PIK3C2A: variants seen among roughly 807,000 people sequenced by gnomAD.
The protein encoded by PIK3C2A is phosphatidylinositol-4-phosphate 3-kinase catalytic subunit type 2 alpha.
A neutral mutation model predicts 204.5 loss-of-function variants in PIK3C2A; 97 were observed. The observed-to-expected ratio is 0.47, with a 90% CI of 0.40 to 0.56. The LOEUF is 0.56. Among genes scored for constraint, PIK3C2A ranks in the 20% least tolerant of loss-of-function variants. PIK3C2A has a pLI of 0.00. For synonymous variants in PIK3C2A, 653 were observed against 664.4 expected (o/e 0.98, Z 0.26); for missense variants, 1,735 against 1,969.2 (o/e 0.88, Z 2.25).
intron 12 of PIK3C2A, among the ~76,000 whole-genome samples, chr11:17,130,806 C>CA (rs1224352745): frequency 0.011 from 573 of 54,060 alleles, 1 homozygote; most frequent in Middle Eastern, 0.08. Context: ...GACTCCATCT[C>CA]AAAAAAAAAA....
At chr11:17,160,313 A>C (rs1850733224) in intron 2 of PIK3C2A, among the ~76,000 whole-genome samples, 1 of 152,212 alleles carries the variant, frequency 6.6e-6, no homozygotes. Flanking sequence ...TAAAGGCTAG[A>C]CAAAGAAAAA....
intron 8 of PIK3C2A, among the ~76,000 whole-genome samples, chr11:17,142,444 G>A (rs1850095531): frequency 6.6e-6 from 1 of 152,056 alleles, no homozygotes; most frequent in African/African-American, 2.4e-5. Context: ...AGCAGAAGGT[G>A]GTATCCCAGA....
chr11:17,095,240 A>G (rs1016953529), intron 27 of PIK3C2A, among the ~76,000 whole-genome samples: 1 of 151,624 alleles, frequency 6.6e-6, no homozygotes, highest in Non-Finnish European at 1.5e-5. Flanking sequence ...CACTCCAGCC[A>G]GGGTAATAGA....
chr11:17,096,332 C>T (rs1414146992), intron 27 of PIK3C2A, among the ~76,000 whole-genome samples: 3 of 152,146 alleles, frequency 2.0e-5, no homozygotes, highest in Non-Finnish European at 2.9e-5. Flanking sequence ...GCCACTGCGC[C>T]CGGCCTATTT....
In PIK3C2A at chr11:17,132,035, A is replaced by G. The variant is rs1481469164; in HGVS notation, c.2112T>C (p.Tyr704=). Residue 704 remains tyrosine (Y), a synonymous_variant, in exon 12 of 33, where the codon TAT becomes TAC. Transcript: ENST00000691414. ...HGISSNWVSN[Y]EKYYLICSLS... ...GTGAACATATCAAGTAGTATTTTTC[A>G]TAACTGAGAAAAGAAAGTTTAACTT... 6.7e-7 allele frequency: 1 copy of G among 1,501,026 alleles called. No individual in the cohort carries two copies. Among genetic ancestry groups the G allele is most frequent in the South Asian group, 1.2e-5 (1 of 82,608 alleles). The allele number at this position is 1,501,026 out of a possible 1,614,324, so 93.0% of individuals were successfully genotyped here.
chr11:17,141,295 A>C (rs1396335639), intron 8 of PIK3C2A: 2 of 70,712 alleles, frequency 2.8e-5, no homozygotes, highest in African/African-American at 1.0e-4. Flanking sequence ...TTTTTTTTTT[A>C]AGACAGGTCT....
rs771737932 is a variant in PIK3C2A, at chr11:17,148,828, T to C, written c.1328-41A>G. On this transcript the variant is annotated intron_variant, in intron 4 of 32. Coordinates refer to ENST00000691414, the MANE Select transcript of PIK3C2A (RefSeq NM_002645.4). ...TCATTATTTTCACTTTGCTCATTTA[T>C]ATTTATTCAAGACTGTATTACTTAT... 15 of 1,546,234 alleles carry C rather than the reference T, an allele frequency of 9.7e-6. No individual in the cohort carries two copies. The African/African-American group carries it at 1.9e-4, about 20-fold the overall frequency.
chr11:17,105,982 AC>A (rs1319184437), intron 22 of PIK3C2A, among the ~76,000 whole-genome samples: 16 of 151,786 alleles, frequency 1.1e-4, no homozygotes, highest in Admixed American at 4.0e-4. Flanking sequence ...GGTGGTAGGC[AC>A]CTGTAATCCC....
intron 1 of PIK3C2A, among the ~76,000 whole-genome samples, chr11:17,178,114 A>AAG (rs141364518): frequency 0.21 from 14,914 of 71,024 alleles, 782 homozygotes; most frequent in Non-Finnish European, 0.25. Flanking sequence ...AAAAAAAAAG[A>AAG]AAAAAAAAAT....
chr11:17,146,621 T>C (rs1471887158), intron 6 of PIK3C2A, among the ~76,000 whole-genome samples: 1 of 151,618 alleles, frequency 6.6e-6, no homozygotes, highest in African/African-American at 2.4e-5. Context: ...TTCCAGAGGC[T>C]GAGGCATGAG....
At chr11:17,159,092 C>T (rs1052225641) in intron 2 of PIK3C2A, among the ~76,000 whole-genome samples, 1 of 152,188 alleles carries the variant, frequency 6.6e-6, no homozygotes, top group South Asian at 2.1e-4. Context: ...TACTCCCACC[C>T]CACTTCCAAA....
chr11:17,122,816 T>G lies in PIK3C2A; in HGVS notation c.2400-3A>C. On this transcript the variant is annotated splice_polypyrimidine_tract_variant and splice_region_variant and intron_variant, in intron 13 of 32. Coordinates refer to ENST00000691414, the MANE Select transcript of PIK3C2A (RefSeq NM_002645.4). ...GTTTAGTTCCACATGTTAAAAACCTTCACGGATGTAAAAATAATAATGTGA... is the reference window on the plus strand; with the variant it reads ...GTTTAGTTCCACATGTTAAAAACCTGCACGGATGTAAAAATAATAATGTGA... The G allele has an allele frequency of 8.8e-7, 1 of 1,132,992 alleles. No homozygotes were observed. The highest frequency in any genetic ancestry group is 1.3e-6 in the Non-Finnish European group (1 of 766,110). The allele number at this position is 1,132,992 out of a possible 1,614,324, so 70.2% of individuals were successfully genotyped here.
At chr11:17,175,940 T>C (rs763241296) in intron 1 of PIK3C2A, among the ~76,000 whole-genome samples, 1 of 151,838 alleles carries the variant, frequency 6.6e-6, no homozygotes, top group Non-Finnish European at 1.5e-5. Flanking sequence ...AATACAGATA[T>C]TTGTCCCCCC....
At chr11:17,206,210 A>G (rs1852568221) in intron 1 of PIK3C2A, among the ~76,000 whole-genome samples, 1 of 152,226 alleles carries the variant, frequency 6.6e-6, no homozygotes, top group African/African-American at 2.4e-5. Flanking sequence ...ACAAATAGCA[A>G]GACACTTTGA....
At chr11:17,139,265 T>C (rs1314369922) in intron 8 of PIK3C2A, among the ~76,000 whole-genome samples, 1 of 150,904 alleles carries the variant, frequency 6.6e-6, no homozygotes, top group Non-Finnish European at 1.5e-5. Context: ...TCTCACTCTG[T>C]CACCCAGGCT....
At chr11:17,094,027 GAGTT>G (rs1848386328) in intron 28 of PIK3C2A, among the ~76,000 whole-genome samples, 1 of 152,160 alleles carries the variant, frequency 6.6e-6, no homozygotes, top group South Asian at 2.1e-4. Flanking sequence ...GCTTCAATAA[GAGTT>G]AGAAGTCTGA....
chr11:17,129,250 T>A (rs1473064803), intron 13 of PIK3C2A, 50 bp downstream of exon 13: 2 of 1,425,568 alleles, frequency 1.4e-6, no homozygotes, highest in African/African-American at 1.4e-5. Context: ...CCAATTCTGA[T>A]GTGCAGATGT....
intron 1 of PIK3C2A, among the ~76,000 whole-genome samples, chr11:17,198,391 T>C (rs1591027862): frequency 6.6e-6 from 1 of 152,092 alleles, no homozygotes; most frequent in South Asian, 2.1e-4. Context: ...ATTACAGGCA[T>C]CAGCCACACT....
At chr11:17,192,449 C>G (rs552875140) in intron 1 of PIK3C2A, among the ~76,000 whole-genome samples, 1 of 152,192 alleles carries the variant, frequency 6.6e-6, no homozygotes, top group Admixed American at 6.5e-5. Context: ...CACAAAAGAA[C>G]TGTATTTTTT....
Sources: gnomAD v4.1 joint callset for allele counts (sites outside exome capture counted in the v4.1 genomes callset) on GRCh38, gnomAD v4.1.1 for gene constraint, MANE v1.5 for transcripts, NCBI Gene and HGNC (gene_info 2026-07-23, HGNC 2026-07-21) for gene names.